Variants in SAMMSON observed in about 807,000 individuals in gnomAD.
The protein encoded by SAMMSON is long intergenic non-protein coding RNA 1212.
chr3:70,061,440 C>G (rs1241715267), intron 3 of SAMMSON, among the ~76,000 whole-genome samples: 1 of 152,130 alleles, frequency 6.6e-6, no homozygotes, highest in Non-Finnish European at 1.5e-5. Flanking sequence ...TAACAACATA[C>G]ACATCGAGAG....
intron 2 of SAMMSON, among the ~76,000 whole-genome samples, chr3:70,433,939 G>T (rs891202647): frequency 6.6e-6 from 1 of 152,254 alleles, no homozygotes; most frequent in African/African-American, 2.4e-5. Flanking sequence ...CTTTGTCAAA[G>T]ATCGGTTGAC....
intron 9 of SAMMSON, among the ~76,000 whole-genome samples, chr3:70,374,152 G>C (rs1315268470): frequency 6.6e-6 from 1 of 152,138 alleles, no homozygotes; most frequent in Non-Finnish European, 1.5e-5. Context: ...GACCTCAGGG[G>C]ACTTGCCCAC....
chr3:70,050,842 T>C (rs1303389650), intron 3 of SAMMSON, among the ~76,000 whole-genome samples: 1 of 151,830 alleles, frequency 6.6e-6, no homozygotes, highest in Non-Finnish European at 1.5e-5. Flanking sequence ...TTTTCAAGAA[T>C]AGAGGCAGAC....
At chr3:70,025,759 C>T (rs1180278860) in intron 3 of SAMMSON, among the ~76,000 whole-genome samples, 1 of 152,124 alleles carries the variant, frequency 6.6e-6, no homozygotes, top group Non-Finnish European at 1.5e-5. Context: ...TGAGAACATG[C>T]AGTCTGTTAA....
At chr3:70,402,855 C>T (rs563559691) in intron 2 of SAMMSON, among the ~76,000 whole-genome samples, 68 of 152,046 alleles carry the variant, frequency 4.5e-4, no homozygotes, top group Non-Finnish European at 7.2e-4. Flanking sequence ...GAGCAAGACT[C>T]CATCTCAAAA....
At chr3:70,112,095 T>C (rs1272991835) in intron 4 of SAMMSON, among the ~76,000 whole-genome samples, 1 of 152,058 alleles carries the variant, frequency 6.6e-6, no homozygotes, top group African/African-American at 2.4e-5. Context: ...TTACATTGAC[T>C]CCGAAGCAGG....
intron 4 of SAMMSON, among the ~76,000 whole-genome samples, chr3:70,179,634 A>G (rs139854861): frequency 7.2e-5 from 11 of 152,338 alleles, no homozygotes; most frequent in Middle Eastern, 3.4e-3. Context: ...TAGGATCTTT[A>G]TCTACCAGCC....
intron 6 of SAMMSON, among the ~76,000 whole-genome samples, chr3:70,254,152 CA>C (rs11375266): frequency 6.6e-6 from 1 of 151,692 alleles, no homozygotes; most frequent in African/African-American, 2.4e-5. Flanking sequence ...TCCAATTACA[CA>C]AAAAAAATTG....
intron 3 of SAMMSON, among the ~76,000 whole-genome samples, chr3:70,015,891 A>T (rs2066982871): frequency 6.6e-6 from 1 of 152,020 alleles, no homozygotes; most frequent in Non-Finnish European, 1.5e-5. Flanking sequence ...AAGGACATGA[A>T]CTCATCGTTT....
At chr3:70,257,672 T>C (rs1035932484) in intron 6 of SAMMSON, among the ~76,000 whole-genome samples, 4 of 152,166 alleles carry the variant, frequency 2.6e-5, no homozygotes, top group African/African-American at 9.6e-5. Flanking sequence ...CTACCTAAAT[T>C]AATGGAGATA....
chr3:70,316,301 A>G (rs1005864199), intron 7 of SAMMSON, among the ~76,000 whole-genome samples: 2 of 152,236 alleles, frequency 1.3e-5, no homozygotes, highest in South Asian at 2.1e-4. Flanking sequence ...ATATCACATT[A>G]TCACTTTTCA....
chr3:70,047,996 A>G (rs1576108055), intron 3 of SAMMSON, among the ~76,000 whole-genome samples: 1 of 152,094 alleles, frequency 6.6e-6, no homozygotes, highest in Admixed American at 6.6e-5. Flanking sequence ...TTTTCAACAC[A>G]TGGATTTTGA....
At chr3:70,185,436 G>A (rs1044035581) in intron 4 of SAMMSON, among the ~76,000 whole-genome samples, 1 of 152,006 alleles carries the variant, frequency 6.6e-6, no homozygotes, top group African/African-American at 2.4e-5. Context: ...TCAGGTCTGG[G>A]GCCCAGAGCT....
At chr3:70,294,883 T>C (rs1217165727) in intron 7 of SAMMSON, among the ~76,000 whole-genome samples, 1 of 152,134 alleles carries the variant, frequency 6.6e-6, no homozygotes, top group Non-Finnish European at 1.5e-5. Context: ...CTATCTTTTT[T>C]TGTGAACCAT....
At chr3:70,010,801 A>T (rs2066951192) in intron 1 of SAMMSON, among the ~76,000 whole-genome samples, 1 of 152,176 alleles carries the variant, frequency 6.6e-6, no homozygotes, top group South Asian at 2.1e-4. Context: ...ACATGGCAGA[A>T]GGCAAAGGAG....
intron 7 of SAMMSON, among the ~76,000 whole-genome samples, chr3:70,319,797 A>G (rs1337641085): frequency 6.6e-6 from 1 of 152,042 alleles, no homozygotes; most frequent in East Asian, 1.9e-4. Context: ...GAAATTTGGA[A>G]GGGATGTGTG....
intron 4 of SAMMSON, among the ~76,000 whole-genome samples, chr3:70,123,291 A>G (rs1267546207): frequency 1.3e-5 from 2 of 152,200 alleles, no homozygotes; most frequent in Non-Finnish European, 2.9e-5. Context: ...TTTTGAGATG[A>G]AGTCTCGCTC....
intron 4 of SAMMSON, among the ~76,000 whole-genome samples, chr3:70,075,882 GT>G (rs11456171): frequency 0.013 from 1,875 of 140,300 alleles, 46 homozygotes; most frequent in African/African-American, 0.046. Flanking sequence ...TTCGATACCT[GT>G]TTTTTTTTTT....
At chr3:70,388,195 T>C (rs557269452) in intron 9 of SAMMSON, among the ~76,000 whole-genome samples, 25 of 152,294 alleles carry the variant, frequency 1.6e-4, no homozygotes, top group African/African-American at 6.0e-4. Flanking sequence ...TTGAGCAAAC[T>C]GTAACCTGTA....
Sources: allele counts gnomAD v4.1 joint callset (sites outside exome capture counted in the v4.1 genomes callset), GRCh38; gene constraint gnomAD v4.1.1; transcripts MANE v1.5; gene names NCBI Gene and HGNC (gene_info 2026-07-23, HGNC 2026-07-21).